Variants in TRIM5 observed in about 807,000 individuals in gnomAD.
TRIM5 encodes the protein tripartite motif containing 5.
In TRIM5, 31 loss-of-function variants were observed where a neutral mutation model predicts 35.6. The ratio of observed to expected loss-of-function variants is 0.87; its 90% CI spans 0.65 to 1.18. TRIM5 has a LOEUF of 1.18. TRIM5 is among the 50% of genes most tolerant of loss of function. TRIM5 has a pLI of 0.00. For synonymous variants in TRIM5, 243 were observed against 215.6 expected (o/e 1.13, Z -1.11); for missense variants, 609 against 591.6 (o/e 1.03, Z -0.31).
the TRIM5 span, chr11:5,641,060 A>G: frequency 7.1e-7 from 1 of 1,417,862 alleles, no homozygotes; most frequent in South Asian, 1.6e-5. Context: ...ATTTTCATAT[A>G]ACTCACTTCT....
At chr11:5,617,000 G>A in the TRIM5 span, among the ~76,000 whole-genome samples, 4 of 139,626 alleles carry the variant, frequency 2.9e-5, no homozygotes, top group African/African-American at 1.0e-4. Context: ...GCCTCTCAAA[G>A]TGCTGGGATT....
At chr11:5,608,889 C>T in the TRIM5 span, among the ~76,000 whole-genome samples, 129 of 124,952 alleles carry the variant, frequency 1.0e-3, no homozygotes, top group Non-Finnish European at 1.8e-3. Context: ...TTCACTCTGT[C>T]GCCCAGGCTG....
chr11:5,642,730 C>T, the TRIM5 span: 5 of 1,562,388 alleles, frequency 3.2e-6, no homozygotes, highest in East Asian at 2.3e-5. Flanking sequence ...GTATTCCCTT[C>T]CCCTGTCCCT....
At chr11:5,622,370 G>A in the TRIM5 span, among the ~76,000 whole-genome samples, 7,859 of 151,864 alleles carry the variant, frequency 0.052, 280 homozygotes, top group East Asian at 0.17. Flanking sequence ...GCGTGAACCC[G>A]GCAGGCGGAG....
At chr11:5,653,018 A>G in the TRIM5 span, among the ~76,000 whole-genome samples, 9 of 151,876 alleles carry the variant, frequency 5.9e-5, no homozygotes, top group Admixed American at 4.6e-4. Flanking sequence ...ATACCCGGCT[A>G]ATTTTTTGTA....
chr11:5,605,208 C>T, the TRIM5 span: 30 of 1,235,032 alleles, frequency 2.4e-5, no homozygotes, highest in South Asian at 3.7e-5. Flanking sequence ...TCTCCTGCAG[C>T]ATTTACCCTC....
In TRIM5 at chr11:5,676,896, C is replaced by A. The variant is rs1216143008; in HGVS notation, c.744+1308G>T. 4.4e-4 allele frequency among the ~76,000 whole-genome samples: 66 copies of A among 149,602 alleles called. No homozygotes were observed. The East Asian group carries it at 5.1e-3, about 12-fold the overall frequency. Reference sequence around the variant, plus strand: ...AAATGGTGCTGGGAAAACTGGCTAGCCATATGTAGAAAGCTGAAACTGGAT... The same window carrying A: ...AAATGGTGCTGGGAAAACTGGCTAGACATATGTAGAAAGCTGAAACTGGAT... On this transcript the variant is annotated intron_variant, in intron 4 of 7. Transcript: ENST00000380034.
the TRIM5 span, chr11:5,632,537 A>G: frequency 6.2e-7 from 1 of 1,613,996 alleles, no homozygotes; most frequent in Non-Finnish European, 8.5e-7. Context: ...GAACATCTAC[A>G]GGCTAATCAG....
chr11:5,643,594 G>A, the TRIM5 span: 1 of 1,614,084 alleles, frequency 6.2e-7, no homozygotes, highest in Non-Finnish European at 8.5e-7. Context: ...AATGTCACAA[G>A]CCATGGCTCC....
rs534172746 is a variant in TRIM5, at chr11:5,667,596, G to C, written c.767+93C>G. The C allele has an allele frequency of 6.0e-6, 8 of 1,340,254 alleles. No homozygotes were observed. The Admixed American group carries it at 6.6e-5, about 11-fold the overall frequency. 83.0% of individuals were successfully genotyped at this position (1,340,254 alleles called of 1,614,324 possible). ...ATATCGAAATTTTTCTGCCCTGGGAGATGTTTTATTCTAATTAAACCCAGG... is the reference window on the plus strand; with the variant it reads ...ATATCGAAATTTTTCTGCCCTGGGACATGTTTTATTCTAATTAAACCCAGG... On this transcript the variant is annotated intron_variant, in intron 5 of 7. Coordinates refer to ENST00000380034, the MANE Select transcript of TRIM5 (RefSeq NM_033034.3).
chr11:5,610,985 G>C, the TRIM5 span: 1 of 1,614,038 alleles, frequency 6.2e-7, no homozygotes, highest in Non-Finnish European at 8.5e-7. Context: ...GGATCCTGGG[G>C]GTATGCAGCA....
At chr11:5,647,009 T>A in the TRIM5 span, among the ~76,000 whole-genome samples, 235 of 152,308 alleles carry the variant, frequency 1.5e-3, 3 homozygotes, top group Non-Finnish European at 2.6e-3. Context: ...TTGCTATGGA[T>A]GTGGGTTACC....
the TRIM5 span, among the ~76,000 whole-genome samples, chr11:5,645,376 G>A: frequency 2.4e-5 from 3 of 123,670 alleles, no homozygotes; most frequent in East Asian, 2.3e-4. Flanking sequence ...TGGGCAACAA[G>A]AGCAAAACTC....
At chr11:5,626,718 A>T in the TRIM5 span, 1 of 149,146 alleles carries the variant, frequency 6.7e-6, no homozygotes, top group African/African-American at 2.6e-5. Flanking sequence ...TGTCTCTACT[A>T]AAAAAATGCA....
At chr11:5,642,468 A>G in the TRIM5 span, 19 of 1,613,934 alleles carry the variant, frequency 1.2e-5, no homozygotes, top group East Asian at 2.2e-5. Flanking sequence ...ACTGTATTCC[A>G]TGCTCCAGAT....
the TRIM5 span, among the ~76,000 whole-genome samples, chr11:5,647,610 C>T: frequency 2.0e-5 from 3 of 152,232 alleles, no homozygotes; most frequent in East Asian, 5.8e-4. Context: ...GCAACCTCCA[C>T]CTCCCGGGTT....
At chr11:5,613,343 G>C in the TRIM5 span, among the ~76,000 whole-genome samples, 1 of 152,244 alleles carries the variant, frequency 6.6e-6, no homozygotes, top group Non-Finnish European at 1.5e-5. Flanking sequence ...TTCATGGTTT[G>C]ATGAAACACT....
chr11:5,617,240 G>A, the TRIM5 span, among the ~76,000 whole-genome samples: 2 of 144,680 alleles, frequency 1.4e-5, no homozygotes, highest in African/African-American at 5.0e-5. Flanking sequence ...AGAAATGTTA[G>A]GAGAGAAATC....
the TRIM5 span, among the ~76,000 whole-genome samples, chr11:5,645,087 G>A: frequency 6.6e-6 from 1 of 152,134 alleles, no homozygotes; most frequent in Non-Finnish European, 1.5e-5. Context: ...AGTACGATAG[G>A]CTGGGTGCCT....
Sources: gnomAD v4.1 joint callset for allele counts (sites outside exome capture counted in the v4.1 genomes callset) on GRCh38, gnomAD v4.1.1 for gene constraint, MANE v1.5 for transcripts, NCBI Gene and HGNC (gene_info 2026-07-23, HGNC 2026-07-21) for gene names.